Variants in SHB observed in about 807,000 individuals in gnomAD.
The protein encoded by SHB is SH2 domain-containing adapter protein B.
SHB carries 20 observed loss-of-function variants against 52.3 expected under a neutral mutation model. That is an observed-to-expected ratio of 0.38 (90% CI 0.27 to 0.56). SHB has a LOEUF of 0.56. SHB is among the 20% of genes least tolerant of loss of function. The pLI is 0.71. For synonymous variants in SHB, 397 were observed against 316.5 expected (o/e 1.25, Z -2.70); for missense variants, 825 against 723.3 (o/e 1.14, Z -1.61).
At chr9:37,925,859 C>T (rs1832244987) in intron 5 of SHB, among the ~76,000 whole-genome samples, 1 of 152,200 alleles carries the variant, frequency 6.6e-6, no homozygotes, top group Non-Finnish European at 1.5e-5. Context: ...ATTTAAAGTG[C>T]ACTCAACCAT....
chr9:37,975,136 G>C (rs1030695929), intron 2 of SHB, among the ~76,000 whole-genome samples: 1 of 152,174 alleles, frequency 6.6e-6, no homozygotes, highest in Admixed American at 6.5e-5. Flanking sequence ...TGATGCTCCA[G>C]GTGTGTCCTG....
Position 38,069,035 on chromosome 9 carries a change from G to A in SHB, c.-390C>T, listed in dbSNP as rs970841853. 1 of 151,560 alleles carries A rather than the reference G, an allele frequency of 6.6e-6. No individual in the cohort carries two copies. The highest frequency in any genetic ancestry group is 2.4e-5 in the African/African-American group (1 of 41,306). The allele number at this position is 151,560 out of a possible 1,614,324, so 9.4% of individuals were successfully genotyped here. A position where few individuals can be genotyped will look rare whatever the true frequency, so the allele number is the denominator to read the frequency against. ...GAGCCGCAGCCTCCGCCTTGGCCGG[G>A]ATCCGCGGCTGCCGCGGGAACTTCT... is the stretch of plus-strand genomic sequence containing the variant. On this transcript the variant is annotated 5_prime_UTR_variant, in exon 1 of 6. Transcript: ENST00000377707.
In SHB at chr9:37,916,473, A is replaced by AG. The variant is rs1258886129; in HGVS notation, c.*3347dup. ...GAACTTCGTGTTCAGCATCTTACAAAGGGGGCCGCTGGTTCTGGGAATGGG... is the reference window on the plus strand; with the variant it reads ...GAACTTCGTGTTCAGCATCTTACAAAGGGGGGCCGCTGGTTCTGGGAATGGG... On this transcript the variant is annotated 3_prime_UTR_variant, in exon 6 of 6. Transcript: ENST00000377707. 1.3e-5 allele frequency among the ~76,000 whole-genome samples: 2 copies of AG among 152,210 alleles called. No homozygotes were observed. The highest frequency in any genetic ancestry group is 6.5e-5 in the Admixed American group (1 of 15,286).
At chr9:38,027,335 G>A (rs1412492779) in intron 1 of SHB, among the ~76,000 whole-genome samples, 1 of 152,134 alleles carries the variant, frequency 6.6e-6, no homozygotes, top group Non-Finnish European at 1.5e-5. Flanking sequence ...TTCCTTCTGC[G>A]GTGCAGGAGA....
chr9:37,964,117 TA>T (rs1832723108), intron 3 of SHB, among the ~76,000 whole-genome samples: 1 of 152,194 alleles, frequency 6.6e-6, no homozygotes, highest in South Asian at 2.1e-4. Context: ...GTTTGATTTG[TA>T]TTTCCAGGAT....
intron 1 of SHB, among the ~76,000 whole-genome samples, chr9:38,061,701 GA>G (rs1324800854): frequency 6.6e-6 from 1 of 152,212 alleles, no homozygotes; most frequent in African/African-American, 2.4e-5. Context: ...GTCATGTTCT[GA>G]GATTGTCAGA....
intron 1 of SHB, among the ~76,000 whole-genome samples, chr9:38,028,734 G>T (rs1040717213): frequency 6.6e-6 from 1 of 152,202 alleles, no homozygotes; most frequent in African/African-American, 2.4e-5. Flanking sequence ...TGGCATCTCA[G>T]CAATTGACAA....
At chr9:37,963,768 G>A (rs1472844563) in intron 3 of SHB, among the ~76,000 whole-genome samples, 3 of 152,122 alleles carry the variant, frequency 2.0e-5, no homozygotes, top group Non-Finnish European at 2.9e-5. Context: ...CATGACCCCC[G>A]GAGTCTATGA....
intron 5 of SHB, among the ~76,000 whole-genome samples, chr9:37,921,747 G>A (rs1014902205): frequency 1.3e-5 from 2 of 152,240 alleles, no homozygotes; most frequent in African/African-American, 4.8e-5. Flanking sequence ...AAAGGAAACG[G>A]CATGTGTGTT....
intron 3 of SHB, among the ~76,000 whole-genome samples, chr9:37,961,758 C>T (rs1832694339): frequency 6.6e-6 from 1 of 152,234 alleles, no homozygotes; most frequent in Non-Finnish European, 1.5e-5. Context: ...AGGTTTTGCT[C>T]TAGACCCCCA....
intron 2 of SHB, among the ~76,000 whole-genome samples, chr9:37,993,270 G>T (rs1014251135): frequency 1.3e-5 from 2 of 152,116 alleles, no homozygotes; most frequent in African/African-American, 4.8e-5. Context: ...ATGTGTGTGC[G>T]CGTGTGTGTG....
chr9:38,008,495 C>G (rs575250097), intron 2 of SHB, among the ~76,000 whole-genome samples: 1 of 152,254 alleles, frequency 6.6e-6, no homozygotes, highest in African/African-American at 2.4e-5. Flanking sequence ...GAACTCTGCA[C>G]AGTCTACGAC....
At chr9:37,974,498 A>G in intron 3 of SHB, 124 bp downstream of exon 3, 2 of 803,922 alleles carry the variant, frequency 2.5e-6, no homozygotes, top group Non-Finnish European at 2.0e-6. Context: ...GGGTACTGAG[A>G]AAAAAGACCA....
chr9:38,003,462 C>T (rs750344923), intron 2 of SHB, among the ~76,000 whole-genome samples: 32 of 152,112 alleles, frequency 2.1e-4, no homozygotes, highest in Non-Finnish European at 2.5e-4. Context: ...CCCCGTCCCA[C>T]GAGGGCAGGG....
At chr9:38,023,008 C>T (rs564699217) in intron 1 of SHB, among the ~76,000 whole-genome samples, 6 of 152,286 alleles carry the variant, frequency 3.9e-5, no homozygotes, top group African/African-American at 1.2e-4. Context: ...TCAACTTGGA[C>T]GTAGAGGTCT....
rs1822006354 is a variant in SHB, at chr9:38,068,451, G to A, written c.195C>T (p.Ala65=). 2.6e-6 allele frequency: 4 copies of A among 1,535,484 alleles called. No homozygotes were observed. Among genetic ancestry groups the A allele is most frequent in the African/African-American group, 1.4e-5 (1 of 70,190 alleles). Residue 65 remains alanine (A), a synonymous_variant, in exon 1 of 6, where the codon GCC becomes GCT. Transcript: ENST00000377707. ...TGTCGTCGGGCAGCGAGCCCGAAGA[G>A]GCTGAGAAGCAGGAGGCGGTGGCCG... is the stretch of plus-strand genomic sequence containing the variant. ...CGPATASCFS[A]SSGSLPDDSG...
intron 2 of SHB, 81 bp from the exon 3 acceptor site, chr9:37,974,918 A>C: frequency 3.4e-6 from 4 of 1,193,744 alleles, no homozygotes; most frequent in Non-Finnish European, 3.7e-6. Context: ...AACACCACAA[A>C]CTCAGAGCTG....
At chr9:38,012,662 AT>A (rs2118069175) in intron 2 of SHB, among the ~76,000 whole-genome samples, 1 of 151,870 alleles carries the variant, frequency 6.6e-6, no homozygotes, top group South Asian at 2.1e-4. Context: ...TCCCTGGGTC[AT>A]TCAGGTGGCA....
intron 4 of SHB, among the ~76,000 whole-genome samples, chr9:37,949,889 G>A (rs62540309): frequency 6.6e-6 from 1 of 152,168 alleles, no homozygotes; most frequent in Non-Finnish European, 1.5e-5. Flanking sequence ...CGTGCAGAGG[G>A]CCCGACTCAT....
Sources: allele counts gnomAD v4.1 joint callset (sites outside exome capture counted in the v4.1 genomes callset), GRCh38; gene constraint gnomAD v4.1.1; transcripts MANE v1.5; gene names NCBI Gene and HGNC (gene_info 2026-07-23, HGNC 2026-07-21).